The following DAPK1 variants were observed in gnomAD, a reference collection of about 807,000 sequenced individuals.
DAPK1 encodes the protein death associated protein kinase 1, also known as death-associated protein kinase 1.
Under a neutral mutation model 144.9 loss-of-function variants are expected in DAPK1, and 56 were observed. That is an observed-to-expected ratio of 0.39 (90% CI 0.31 to 0.48). DAPK1 has a LOEUF of 0.48. DAPK1 is among the 20% of genes least tolerant of loss of function. The pLI is 0.95. For synonymous variants in DAPK1, 690 were observed against 749.0 expected (o/e 0.92, Z 1.29); for missense variants, 1,454 against 1,875.4 (o/e 0.78, Z 4.15).
chr9:87,622,850 G>A (rs987010872), intron 3 of DAPK1, among the ~76,000 whole-genome samples: 1 of 152,096 alleles, frequency 6.6e-6, no homozygotes, highest in African/African-American at 2.4e-5. Flanking sequence ...GGTGGCGGTT[G>A]CAGTGACCCG....
intron 2 of DAPK1, among the ~76,000 whole-genome samples, chr9:87,576,394 C>A (rs1472716240): frequency 6.6e-6 from 1 of 152,144 alleles, no homozygotes; most frequent in East Asian, 1.9e-4. Flanking sequence ...TCTCTTCAGG[C>A]GCGTGTTTGC....
Position 87,703,015 on chromosome 9 carries a change from C to T in DAPK1, c.2872-14C>T, listed in dbSNP as rs1298612842. The T allele has an allele frequency of 7.0e-7, 1 of 1,433,664 alleles. No homozygotes were observed. Among genetic ancestry groups the T allele is most frequent in the South Asian group, 1.2e-5 (1 of 86,954 alleles). The allele number at this position is 1,433,664 out of a possible 1,614,324, so 88.8% of individuals were successfully genotyped here. On this transcript the variant is annotated splice_polypyrimidine_tract_variant and intron_variant, in intron 24 of 25. Coordinates refer to ENST00000408954, the MANE Select transcript of DAPK1 (RefSeq NM_004938.4). Reference sequence around the variant, plus strand: ...CTGCAGGTGAGTTAACCTGTCTGGCCCTGCCCCCTCTAGGTCTGTCCTCCC... The same window carrying T: ...CTGCAGGTGAGTTAACCTGTCTGGCTCTGCCCCCTCTAGGTCTGTCCTCCC...
intron 25 of DAPK1, 26 bp downstream of exon 25, chr9:87,703,243 G>C (rs45565542): frequency 6.8e-7 from 1 of 1,475,258 alleles, no homozygotes; most frequent in East Asian, 2.3e-5. Flanking sequence ...CCCAGGCAGG[G>C]GGCCGTGAGA....
At chr9:87,578,485 A>T (rs960020678) in intron 2 of DAPK1, among the ~76,000 whole-genome samples, 1 of 152,156 alleles carries the variant, frequency 6.6e-6, no homozygotes, top group Admixed American at 6.5e-5. Context: ...TTATTTCCTT[A>T]GGATAGATTG....
At chr9:87,681,352 ATTAT>A in intron 19 of DAPK1, 48 bp from the exon 20 acceptor site, 1 of 930,744 alleles carries the variant, frequency 1.1e-6, no homozygotes, top group East Asian at 2.4e-5. Flanking sequence ...CTTGAGAATC[ATTAT>A]TTGCCTCTTT....
In DAPK1 at chr9:87,641,953, T is replaced by G. The variant is rs1241406423; in HGVS notation, c.829-16T>G. ...ATTTGAGAGCTTTAATTTTTTTTCTTGGATTTTTATTTTAGCCTAAAGATA... is the reference window on the plus strand; with the variant it reads ...ATTTGAGAGCTTTAATTTTTTTTCTGGGATTTTTATTTTAGCCTAAAGATA... On this transcript the variant is annotated splice_polypyrimidine_tract_variant and intron_variant, in intron 9 of 25. Coordinates refer to ENST00000408954, the MANE Select transcript of DAPK1 (RefSeq NM_004938.4). The G allele has an allele frequency of 1.3e-6, 2 of 1,590,868 alleles. No homozygotes were observed. Among genetic ancestry groups the G allele is most frequent in the African/African-American group, 2.7e-5 (2 of 73,726 alleles).
At chr9:87,607,046 CCCCTGTACCCTCCCA>C (rs2118972633) in intron 3 of DAPK1, among the ~76,000 whole-genome samples, 1 of 151,534 alleles carries the variant, frequency 6.6e-6, no homozygotes, top group Non-Finnish European at 1.5e-5. Flanking sequence ...TCTCCTGCTT[CCCCTGTACCCTCCCA>C]CCCTCGTAAC....
At chr9:87,669,792 C>T (rs531623963) in intron 19 of DAPK1, among the ~76,000 whole-genome samples, 3 of 151,782 alleles carry the variant, frequency 2.0e-5, no homozygotes, top group Non-Finnish European at 2.9e-5. Flanking sequence ...GGGATAATTT[C>T]TTTCCTCATG....
intron 2 of DAPK1, among the ~76,000 whole-genome samples, chr9:87,505,243 A>G (rs1824542248): frequency 1.3e-5 from 2 of 152,360 alleles, no homozygotes; most frequent in Non-Finnish European, 1.5e-5. Flanking sequence ...AACATTTTGT[A>G]TAAATTAAGT....
intron 23 of DAPK1, among the ~76,000 whole-genome samples, chr9:87,699,355 A>G (rs1825380216): frequency 1.3e-5 from 2 of 152,202 alleles, no homozygotes; most frequent in Admixed American, 6.5e-5. Context: ...ATGTCTTACA[A>G]TATAAGTTGC....
chr9:87,531,830 G>A (rs762202616), intron 2 of DAPK1, among the ~76,000 whole-genome samples: 1 of 152,210 alleles, frequency 6.6e-6, no homozygotes, highest in African/African-American at 2.4e-5. Flanking sequence ...AGGCAAGTCT[G>A]AGAGGTGGGG....
intron 3 of DAPK1, chr9:87,632,912 A>ATG: frequency 1.1e-6 from 1 of 914,986 alleles, no homozygotes; most frequent in Non-Finnish European, 1.3e-6. Context: ...GAGTATATAT[A>ATG]TATATATATA....
At chr9:87,698,582 C>A in intron 22 of DAPK1, 74 bp from the exon 23 acceptor site, 1 of 898,276 alleles carries the variant, frequency 1.1e-6, no homozygotes, top group Non-Finnish European at 1.8e-6. Flanking sequence ...GCCAACACAC[C>A]GCCCTCACCT....
chr9:87,626,533 C>A (rs2119069843), intron 3 of DAPK1, among the ~76,000 whole-genome samples: 1 of 152,334 alleles, frequency 6.6e-6, no homozygotes, highest in East Asian at 1.9e-4. Context: ...TGCAGCCCAG[C>A]CTGCAACCGA....
intron 10 of DAPK1, among the ~76,000 whole-genome samples, chr9:87,642,981 G>C (rs1830145513): frequency 6.6e-6 from 1 of 152,102 alleles, no homozygotes; most frequent in Admixed American, 6.5e-5. Context: ...GTGGCACAAA[G>C]GACACAGAGC....
chr9:87,685,862 G>A (rs1190782005), intron 20 of DAPK1, among the ~76,000 whole-genome samples: 1 of 152,220 alleles, frequency 6.6e-6, no homozygotes, highest in Non-Finnish European at 1.5e-5. Context: ...GCAGTGAACA[G>A]CAACCAATGT....
In DAPK1 at chr9:87,706,669, G is replaced by A. The variant is rs773994467; in HGVS notation, c.3598G>A (p.Gly1200Ser). The A allele has an allele frequency of 4.3e-6, 7 of 1,612,110 alleles. No individual in the cohort carries two copies. Among genetic ancestry groups the A allele is most frequent in the East Asian group, 2.2e-5 (1 of 44,866 alleles). ...CCAGGGCATTGAGGTCCAGGTCCGC[G>A]GCCTGGAGACGGAGAAGATCAAGTG... ...HGQGIEVQVR[G>S]LETEKIKCCL... Residue 1200 changes from glycine to serine, a missense_variant, in exon 26 of 26, where the codon GGC becomes AGC. By Grantham distance (56) the Gly-to-Ser change is moderately conservative. Around this residue, in one of 2 missense-constraint regions of DAPK1, gnomAD observed 1,025 missense variants for 1,237.9 expected, o/e 0.83. Coordinates refer to ENST00000408954, the MANE Select transcript of DAPK1 (RefSeq NM_004938.4). This position sits in a 1 kb window ranked among gnomAD's most constrained non-coding sequence, Gnocchi z 9.0.
At chr9:87,679,222 C>CA (rs1283010268) in intron 19 of DAPK1, among the ~76,000 whole-genome samples, 1 of 152,110 alleles carries the variant, frequency 6.6e-6, no homozygotes, top group Non-Finnish European at 1.5e-5. Context: ...GAAGGGAGAG[C>CA]ACCCCATAAT....
chr9:87,589,055 A>ATTTTTTTTTTTTTTT (rs35875159), intron 2 of DAPK1, among the ~76,000 whole-genome samples: 4 of 101,198 alleles, frequency 4.0e-5, no homozygotes, highest in Admixed American at 1.1e-4. Context: ...CGCCCGGCTA[A>ATTTTTTTTTTTTTTT]TTTTTTTTTT....
Sources: allele counts gnomAD v4.1 joint callset (sites outside exome capture counted in the v4.1 genomes callset), GRCh38; gene constraint gnomAD v4.1.1; regional missense constraint gnomAD v4.1.1; non-coding constraint Gnocchi (gnomAD v3.1); transcripts MANE v1.5; gene names NCBI Gene and HGNC (gene_info 2026-07-23, HGNC 2026-07-21).